EHMT1: variants seen among roughly 807,000 people sequenced by gnomAD.
EHMT1 encodes euchromatic histone lysine methyltransferase 1.
In EHMT1, 15 loss-of-function variants were observed where a neutral mutation model predicts 147.2. The observed-to-expected ratio is 0.10, with a 90% confidence interval of 0.07 to 0.16. The LOEUF (loss-of-function observed/expected upper bound fraction) is 0.16, where lower values mean the gene tolerates loss of function less well. EHMT1 is among the 10% of genes least tolerant of loss of function. The pLI is 1.00. For synonymous variants in EHMT1, 795 were observed against 709.6 expected (o/e 1.12, Z -1.91); for missense variants, 1,587 against 1,772.4 (o/e 0.90, Z 1.88).
At chr9:137,715,580 C>T (rs754618131) in intron 2 of EHMT1, 100 of 985,292 alleles carry the variant, frequency 1.0e-4, no homozygotes, top group Non-Finnish European at 1.1e-4. Flanking sequence ...GACTGAGCTC[C>T]GTGTGCACCT....
At chr9:137,687,020 C>T (rs945934930) in intron 1 of EHMT1, among the ~76,000 whole-genome samples, 5 of 152,158 alleles carry the variant, frequency 3.3e-5, no homozygotes, top group African/African-American at 1.2e-4. Flanking sequence ...TGAGCCACCG[C>T]GCTGGCCCCA....
chr9:137,782,121 T>A lies in EHMT1; in HGVS notation c.2276-170T>A, dbSNP rs1951605938. ...TCAATTCCGCAGGAGACTAGCACAC[T>A]CAAGTCTCAAGTCCAGAGGATGGTG... On this transcript the variant is annotated intron_variant, in intron 14 of 26. Coordinates refer to ENST00000460843, the MANE Select transcript of EHMT1 (RefSeq NM_024757.5). The surrounding 1 kb of genome is among the most constrained non-coding windows in gnomAD (Gnocchi z 5.7). Among the ~76,000 whole-genome samples the A allele has an allele frequency of 6.6e-6, 1 of 152,128 alleles. No homozygotes were observed. The highest frequency in any genetic ancestry group is 2.1e-4 in the South Asian group (1 of 4,820).
chr9:137,735,781 T>G (rs1374916290), intron 4 of EHMT1, among the ~76,000 whole-genome samples: 2 of 152,206 alleles, frequency 1.3e-5, no homozygotes, highest in African/African-American at 4.8e-5. Context: ...TTAGTTGCCT[T>G]GAGAGTGAGG....
At position 137,830,463 on chromosome 9, in the gene EHMT1, C is replaced by T. The variant is rs77479676; in HGVS notation, c.3541-3886C>T. Among the ~76,000 whole-genome samples, 667 of 152,296 alleles carry T rather than the reference C, an allele frequency of 4.4e-3. 18 individuals are homozygous for T. In the East Asian group the frequency reaches 0.077, roughly 18 times the overall value. On this transcript the variant is annotated intron_variant, in intron 25 of 26. Coordinates refer to ENST00000460843, the MANE Select transcript of EHMT1 (RefSeq NM_024757.5). ...TAAAAATGTGTTCATGTTAATATTTCCAATTCAAATTTAACAGTGTAGAGT... is the reference window on the plus strand; with the variant it reads ...TAAAAATGTGTTCATGTTAATATTTTCAATTCAAATTTAACAGTGTAGAGT...
At chr9:137,781,287 AGATGTGTGGTGAT>A (rs1951506759) in intron 14 of EHMT1, among the ~76,000 whole-genome samples, 1 of 87,658 alleles carries the variant, frequency 1.1e-5, no homozygotes, top group Non-Finnish European at 2.5e-5. Flanking sequence ...GATGACGCTG[AGATGTGTGGTGAT>A]GACGGCATCA....
intron 1 of EHMT1, among the ~76,000 whole-genome samples, chr9:137,704,789 TTCCCTCCCTCCC>T (rs1564611202): frequency 9.6e-6 from 1 of 103,786 alleles, no homozygotes; most frequent in African/African-American, 3.8e-5. Context: ...CCCGCCTGCC[TTCCCTCCCTCCC>T]GCCCTCCCTC....
At chr9:137,620,938 A>C (rs1842913823) in intron 1 of EHMT1, among the ~76,000 whole-genome samples, 1 of 152,186 alleles carries the variant, frequency 6.6e-6, no homozygotes, top group African/African-American at 2.4e-5. Flanking sequence ...AGTGCCTTGC[A>C]TGAATTCAAT....
At chr9:137,706,133 G>T (rs1242423464) in intron 1 of EHMT1, among the ~76,000 whole-genome samples, 4 of 152,224 alleles carry the variant, frequency 2.6e-5, no homozygotes, top group Admixed American at 6.5e-5. Context: ...GCCATGGCAG[G>T]GCAGGGCATG....
chr9:137,705,562 G>A (rs952696884), intron 1 of EHMT1, among the ~76,000 whole-genome samples: 1 of 152,050 alleles, frequency 6.6e-6, no homozygotes, highest in African/African-American at 2.4e-5. Flanking sequence ...CACAAGTTGT[G>A]GCACTAAAAA....
At chr9:137,689,686 G>T (rs1942768020) in intron 1 of EHMT1, among the ~76,000 whole-genome samples, 1 of 152,234 alleles carries the variant, frequency 6.6e-6, no homozygotes. Flanking sequence ...CTGGGTGACA[G>T]AGCAAGACTC....
intron 1 of EHMT1, among the ~76,000 whole-genome samples, chr9:137,705,508 T>C (rs1393958735): frequency 6.6e-6 from 1 of 152,124 alleles, no homozygotes; most frequent in East Asian, 1.9e-4. Flanking sequence ...CACACACTGG[T>C]TTTGTTCTCT....
Position 137,798,805 on chromosome 9 carries a change from T to C in EHMT1, c.2506-8T>C, listed in dbSNP as rs547475339. 1.2e-6 allele frequency: 2 copies of C among 1,613,118 alleles called. No homozygotes were observed. The highest frequency in any genetic ancestry group is 1.7e-4 in the Middle Eastern group (1 of 6,056). ...GGATTCTTTGACTAAGTGGCATTTC[T>C]GTTGCAGGACGCAGAGGGCTCTACG... On this transcript the variant is annotated splice_polypyrimidine_tract_variant and splice_region_variant and intron_variant, in intron 16 of 26. Coordinates refer to ENST00000460843, the MANE Select transcript of EHMT1 (RefSeq NM_024757.5).
At chr9:137,799,047 AG>A (rs1471295161) in intron 17 of EHMT1, 133 bp downstream of exon 17, 3 of 767,100 alleles carry the variant, frequency 3.9e-6, no homozygotes, top group African/African-American at 1.7e-5. Context: ...CGGGCCCTCC[AG>A]CGTCCTCTTC....
intron 1 of EHMT1, among the ~76,000 whole-genome samples, chr9:137,648,898 A>C (rs1403164841): frequency 6.6e-6 from 1 of 152,146 alleles, no homozygotes; most frequent in Non-Finnish European, 1.5e-5. Context: ...AAGCCACCAC[A>C]GTGCCCTGCT....
At chr9:137,718,291 A>G (rs952341968) in intron 3 of EHMT1, among the ~76,000 whole-genome samples, 2 of 152,250 alleles carry the variant, frequency 1.3e-5, no homozygotes, top group Admixed American at 1.3e-4. Context: ...TACACGATAC[A>G]GGTTTTCAAA....
chr9:137,647,543 C>T (rs912733985), intron 1 of EHMT1, among the ~76,000 whole-genome samples: 11 of 151,250 alleles, frequency 7.3e-5, no homozygotes, highest in East Asian at 3.9e-4. Flanking sequence ...CTTTGCCAGG[C>T]GTTGCTGCTC....
In EHMT1 at chr9:137,776,515, A is replaced by G; in HGVS notation, c.1792-103A>G. The G allele has an allele frequency of 2.5e-6, 3 of 1,199,108 alleles. No individual in the cohort carries two copies. 74.3% of individuals were successfully genotyped at this position (1,199,108 alleles called of 1,614,324 possible). On this transcript the variant is annotated intron_variant, in intron 11 of 26. Transcript: ENST00000460843. This position sits in a 1 kb window ranked among gnomAD's most constrained non-coding sequence, Gnocchi z 4.4. ...CACCCCGACCCATGGCTCACTCTGC[A>G]GACCGCCCGATGTGGGATGCGGTGC... is the stretch of plus-strand genomic sequence containing the variant.
rs1564847151 is a variant in EHMT1, at chr9:137,834,839, C to A, written c.3783C>A (p.Pro1261=). 40 of 1,612,502 alleles carry A rather than the reference C, an allele frequency of 2.5e-5. No homozygotes were observed. The highest frequency in any genetic ancestry group is 3.2e-5 in the Non-Finnish European group (38 of 1,179,630). Residue 1261 remains proline, a synonymous_variant, in exon 27 of 27, where the codon CCC becomes CCA. Coordinates refer to ENST00000460843, the MANE Select transcript of EHMT1 (RefSeq NM_024757.5). The part of the protein sequence containing the change: ...GKLFSCRCGS[P]KCRHSSAALA... The stretch of plus-strand genomic sequence containing the variant: ...TCTTCAGCTGCCGCTGCGGCTCCCC[C>A]AAGTGCCGGCACTCGAGCGCGGCCC...
chr9:137,832,660 C>T (rs936753891), intron 25 of EHMT1: 6 of 151,484 alleles, frequency 4.0e-5, no homozygotes, highest in African/African-American at 1.5e-4. Context: ...GGACTGTTGT[C>T]TTTATCTGGT....
Sources: gnomAD v4.1 joint callset for allele counts (sites outside exome capture counted in the v4.1 genomes callset) on GRCh38, gnomAD v4.1.1 for gene constraint, Gnocchi (gnomAD v3.1) non-coding constraint, MANE v1.5 for transcripts, NCBI Gene and HGNC (gene_info 2026-07-23, HGNC 2026-07-21) for gene names.